Variants in SRGAP1 observed in about 807,000 individuals in gnomAD.
SRGAP1 encodes the protein SLIT-ROBO Rho GTPase activating protein 1, also known as SLIT-ROBO Rho GTPase-activating protein 1.
Under a neutral mutation model 121.9 loss-of-function variants are expected in SRGAP1, and 43 were observed. That is an observed-to-expected ratio of 0.35 (90% CI 0.28 to 0.46). SRGAP1 has a LOEUF of 0.46. Ranked by LOEUF, SRGAP1 falls within the 20% of genes least tolerant of loss-of-function variation. The pLI is 1.00. For synonymous variants in SRGAP1, 447 were observed against 485.4 expected, an observed-to-expected ratio of 0.92 and a Z score of 1.04; for missense variants, 1,102 against 1,350.9, an observed-to-expected ratio of 0.82 and a Z score of 2.89.
chr12:63,979,489 G>T (rs149348165), intron 1 of SRGAP1, among the ~76,000 whole-genome samples: 1 of 151,870 alleles, frequency 6.6e-6, no homozygotes, highest in African/African-American at 2.4e-5. Flanking sequence ...GGTTACTGCC[G>T]TGTATCTTGT....
intron 1 of SRGAP1, among the ~76,000 whole-genome samples, chr12:63,955,545 A>G (rs1453486411): frequency 6.6e-6 from 1 of 152,162 alleles, no homozygotes; most frequent in East Asian, 1.9e-4. Flanking sequence ...ACTTGACTGA[A>G]TAAGTGAAAA....
At chr12:63,910,447 C>A (rs1351718784) in intron 1 of SRGAP1, among the ~76,000 whole-genome samples, 5 of 152,162 alleles carry the variant, frequency 3.3e-5, no homozygotes, top group African/African-American at 1.2e-4. Flanking sequence ...TCCTTCCAAC[C>A]GTACTTAACT....
At chr12:63,889,136 C>T (rs966773022) in intron 1 of SRGAP1, among the ~76,000 whole-genome samples, 2 of 152,190 alleles carry the variant, frequency 1.3e-5, no homozygotes, top group Non-Finnish European at 2.9e-5. Flanking sequence ...CACATGGGGA[C>T]AATATCTATC....
chr12:64,070,309 T>A (rs1450440878), intron 8 of SRGAP1, among the ~76,000 whole-genome samples: 3 of 152,004 alleles, frequency 2.0e-5, no homozygotes, highest in African/African-American at 7.3e-5. Context: ...CTATACATAG[T>A]CAAAGAAAGA....
chr12:64,000,061 G>C (rs1000108208), intron 3 of SRGAP1, among the ~76,000 whole-genome samples: 19 of 152,106 alleles, frequency 1.2e-4, no homozygotes, highest in African/African-American at 4.3e-4. Context: ...GATGTCCACT[G>C]AACTGAGCAG....
intron 4 of SRGAP1, among the ~76,000 whole-genome samples, chr12:64,041,324 G>GT (rs2035015335): frequency 6.6e-6 from 1 of 151,818 alleles, no homozygotes; most frequent in East Asian, 1.9e-4. Context: ...GATGATCTCA[G>GT]TTTTTTAAAG....
intron 16 of SRGAP1, among the ~76,000 whole-genome samples, chr12:64,109,262 A>G (rs190783431): frequency 1.2e-3 from 178 of 152,234 alleles, no homozygotes; most frequent in African/African-American, 4.0e-3. Flanking sequence ...AAATGCAAAG[A>G]TATTTAAATA....
chr12:63,925,927 C>T (rs568474231), intron 1 of SRGAP1, among the ~76,000 whole-genome samples: 1 of 152,230 alleles, frequency 6.6e-6, no homozygotes, highest in African/African-American at 2.4e-5. Context: ...CTTTAATTCA[C>T]ACTGTAACCT....
At chr12:64,128,335 C>A in intron 21 of SRGAP1, 135 bp downstream of exon 21, 1 of 901,010 alleles carries the variant, frequency 1.1e-6, no homozygotes, top group Non-Finnish European at 1.6e-6. Flanking sequence ...AAAACAGAAA[C>A]AAAACCAGCT....
At chr12:64,076,249 T>G (rs1306536717) in intron 8 of SRGAP1, among the ~76,000 whole-genome samples, 2 of 152,048 alleles carry the variant, frequency 1.3e-5, no homozygotes, top group Admixed American at 6.6e-5. Flanking sequence ...AAACCATGAG[T>G]GATAGCCAGA....
intron 3 of SRGAP1, among the ~76,000 whole-genome samples, chr12:64,007,104 T>G (rs1214894662): frequency 6.6e-6 from 1 of 152,142 alleles, no homozygotes; most frequent in Non-Finnish European, 1.5e-5. Flanking sequence ...AGATCTTAGC[T>G]TCAACCCCTT....
chr12:64,124,822 T>TA (rs1592344420), intron 18 of SRGAP1, among the ~76,000 whole-genome samples: 1 of 152,272 alleles, frequency 6.6e-6, no homozygotes, highest in East Asian at 1.9e-4. Context: ...CAAGCTGTTG[T>TA]AAAAAACAAT....
rs1287931873 is a variant in SRGAP1 at position 64,150,116 on chromosome 12, A to G, written c.*7444A>G. ...AGCAAGAGAAATGGGACTGGGCTGG[A>G]TATCAACACATGTGCTTGTGTGCAT... On this transcript the variant is annotated 3_prime_UTR_variant, in exon 22 of 22. Transcript: ENST00000355086. The G allele has an allele frequency of 1.3e-5, 2 of 150,370 alleles. No individual in the cohort carries two copies. Among genetic ancestry groups the G allele is most frequent in the East Asian group, 4.0e-4 (2 of 5,008 alleles). 9.3% of individuals were successfully genotyped at this position (150,370 alleles called of 1,614,324 possible).
At chr12:63,887,199 G>A (rs1453649923) in intron 1 of SRGAP1, among the ~76,000 whole-genome samples, 3 of 152,126 alleles carry the variant, frequency 2.0e-5, no homozygotes, top group African/African-American at 4.8e-5. Context: ...AACCAGTGGG[G>A]TCATGTGGAG....
At chr12:64,101,082 T>C (rs1249743130) in intron 15 of SRGAP1, among the ~76,000 whole-genome samples, 1 of 152,160 alleles carries the variant, frequency 6.6e-6, no homozygotes, top group East Asian at 1.9e-4. Flanking sequence ...GAAACAAAGA[T>C]TTTGAAATTT....
At chr12:64,020,843 C>CAAAAAA (rs34144761) in intron 4 of SRGAP1, among the ~76,000 whole-genome samples, 51 of 69,424 alleles carry the variant, frequency 7.3e-4, no homozygotes, top group Non-Finnish European at 1.1e-3. Flanking sequence ...GACTCCGTCT[C>CAAAAAA]AAAAAAAAAA....
Position 64,147,660 on chromosome 12 carries a change from A to G in SRGAP1, c.*4988A>G, listed in dbSNP as rs2037075036. On this transcript the variant is annotated 3_prime_UTR_variant, in exon 22 of 22. Transcript: ENST00000355086. ...ATTCCCTCCTCTCTGAGGTGAAAAT[A>G]AAGGGGGATGCTTTTACAGTCTGGA... is the stretch of plus-strand genomic sequence containing the variant. 1 of 398,634 alleles carries G rather than the reference A, an allele frequency of 2.5e-6. No individual in the cohort carries two copies. The highest frequency in any genetic ancestry group is 4.4e-5 in the Admixed American group (1 of 22,734). 24.7% of individuals were successfully genotyped at this position (398,634 alleles called of 1,614,324 possible).
rs1239185651 is a variant in SRGAP1, at chr12:64,161,602, C to T, written c.*18930C>T. On this transcript the variant is annotated 3_prime_UTR_variant, in exon 22 of 22. Transcript: ENST00000355086. ...AGTGATAGTTCTTCTAAGTTTTCTTCTCTCTGCACACTGTATTTCCTCTAA... is the reference window on the plus strand; with the variant it reads ...AGTGATAGTTCTTCTAAGTTTTCTTTTCTCTGCACACTGTATTTCCTCTAA... The T allele has an allele frequency of 6.6e-6, 1 of 152,026 alleles. No individual in the cohort carries two copies. The highest frequency in any genetic ancestry group is 1.5e-5 in the Non-Finnish European group (1 of 67,982). The allele number at this position is 152,026 out of a possible 1,614,324, so 9.4% of individuals were successfully genotyped here.
chr12:63,910,305 G>A (rs1046196660), intron 1 of SRGAP1, among the ~76,000 whole-genome samples: 7 of 152,094 alleles, frequency 4.6e-5, no homozygotes, highest in Non-Finnish European at 7.4e-5. Flanking sequence ...GATTTTATTA[G>A]CAGGAAATTG....
Sources: gnomAD v4.1 joint callset for allele counts (sites outside exome capture counted in the v4.1 genomes callset) on GRCh38, gnomAD v4.1.1 for gene constraint, MANE v1.5 for transcripts, NCBI Gene and HGNC (gene_info 2026-07-23, HGNC 2026-07-21) for gene names.